Variants in BPI observed in about 807,000 individuals in gnomAD.
The protein encoded by BPI is bactericidal permeability-increasing protein.
Under a neutral mutation model 57.6 loss-of-function variants are expected in BPI, and 48 were observed. That is an observed-to-expected ratio of 0.83 (90% CI 0.66 to 1.06). The LOEUF (loss-of-function observed/expected upper bound fraction) is 1.06. Among genes scored for constraint, BPI ranks in the 50% least tolerant of loss-of-function variants. The pLI is 0.00. For missense variants in BPI, 651 were observed against 609.7 expected, an observed-to-expected ratio of 1.07 and a Z score of -0.71; for synonymous variants, 237 against 238.2, an observed-to-expected ratio of 0.99 and a Z score of 0.05.
At chr20:38,332,500 CCTT>C in intron 12 of BPI, among the ~76,000 whole-genome samples, 1 of 152,226 alleles carries the variant, frequency 6.6e-6, no homozygotes. Context: ...ATTTTGCACA[CCTT>C]CTTTTGCACC....
intron 7 of BPI, among the ~76,000 whole-genome samples, chr20:38,322,471 A>G (rs1288566838): frequency 2.6e-5 from 4 of 152,194 alleles, no homozygotes; most frequent in African/African-American, 9.7e-5. Flanking sequence ...CCCTGGTTCT[A>G]AGCACTCACA....
Position 38,329,005 on chromosome 20 carries a change from CTAAATAAATAAA to C in BPI, c.1229+1367_1229+1378del, listed in dbSNP as rs1555840412. Among the ~76,000 whole-genome samples, 177 of 134,942 alleles carry C rather than the reference CTAAATAAATAAA, an allele frequency of 1.3e-3. 1 individual carries two copies. Among genetic ancestry groups the C allele is most frequent in the Admixed American group, 1.5e-3 (21 of 14,106 alleles). 88.5% of individuals were successfully genotyped at this position (134,942 alleles called of 152,430 possible). A position where few individuals can be genotyped will look rare whatever the true frequency, so the allele number is the denominator to read the frequency against. On this transcript the variant is annotated intron_variant, in intron 11 of 14. Coordinates refer to ENST00000642449, the MANE Select transcript of BPI (RefSeq NM_001725.3). ...TGGGCAACAGAGCAAGACCCTGTCT[CTAAATAAATAAA>C]TAAATAAATAAATAAACAAATAGAT...
At chr20:38,308,741 A>G (rs1452119355) in intron 2 of BPI, among the ~76,000 whole-genome samples, 189 bp from the exon 3 acceptor site, 1 of 152,230 alleles carries the variant, frequency 6.6e-6, no homozygotes, top group African/African-American at 2.4e-5. Context: ...TTCTGACTTC[A>G]AAACCTAAGC....
chr20:38,337,255 C>G lies in BPI; in HGVS notation c.*71C>G. On this transcript the variant is annotated 3_prime_UTR_variant, in exon 15 of 15. Coordinates refer to ENST00000642449, the MANE Select transcript of BPI (RefSeq NM_001725.3). ...GGGCTGTGGGGCACCGGCTGCCTTT[C>G]CCCAGGGAATCCTCTCCAGATCTTA... 1.5e-6 allele frequency: 2 copies of G among 1,353,316 alleles called. No individual in the cohort carries two copies. The highest frequency in any genetic ancestry group is 2.0e-6 in the Non-Finnish European group (2 of 985,040). The allele number at this position is 1,353,316 out of a possible 1,614,324, so 83.8% of individuals were successfully genotyped here. A position where few individuals can be genotyped will look rare whatever the true frequency, so the allele number is the denominator to read the frequency against.
intron 5 of BPI, 34 bp from the exon 6 acceptor site, chr20:38,318,379 A>G (rs751466835): frequency 6.3e-7 from 1 of 1,586,968 alleles, no homozygotes. Flanking sequence ...CACTATGGGA[A>G]GACCTTACTG....
intron 13 of BPI, among the ~76,000 whole-genome samples, chr20:38,335,194 G>A (rs1273463361): frequency 1.3e-5 from 2 of 152,126 alleles, no homozygotes; most frequent in East Asian, 3.9e-4. Flanking sequence ...AGTATGTGGG[G>A]GGCTTGCCCT....
intron 5 of BPI, among the ~76,000 whole-genome samples, chr20:38,312,646 T>G (rs2076627219): frequency 6.6e-6 from 1 of 152,180 alleles, no homozygotes; most frequent in South Asian, 2.1e-4. Context: ...TTTACAACAA[T>G]TTCCCTGTCC....
intron 11 of BPI, among the ~76,000 whole-genome samples, chr20:38,330,175 G>A (rs2076735261): frequency 6.6e-6 from 1 of 152,098 alleles, no homozygotes; most frequent in South Asian, 2.1e-4. Context: ...AGGTTGCAGT[G>A]AGCTGTGATT....
chr20:38,306,471 G>A (rs118131789), intron 1 of BPI, among the ~76,000 whole-genome samples: 3 of 152,222 alleles, frequency 2.0e-5, no homozygotes, highest in Admixed American at 2.0e-4. Context: ...TCAGAGTCAC[G>A]TGAATAAATG....
intron 9 of BPI, 89 bp from the exon 10 acceptor site, chr20:38,326,176 T>C: frequency 1.5e-6 from 2 of 1,311,112 alleles, no homozygotes; most frequent in Non-Finnish European, 2.1e-6. Flanking sequence ...ACATTGAAGG[T>C]ATTTAAGTAG....
chr20:38,333,423 AT>A (rs906154779), intron 12 of BPI, among the ~76,000 whole-genome samples: 17 of 152,384 alleles, frequency 1.1e-4, no homozygotes, highest in Non-Finnish European at 1.5e-4. Context: ...ACTATTTTTA[AT>A]TTTTTTTATT....
chr20:38,326,732 T>C (rs8115192), intron 10 of BPI, among the ~76,000 whole-genome samples: 11,576 of 152,294 alleles, frequency 0.076, 1,149 homozygotes, highest in East Asian at 0.42. Flanking sequence ...AATTCATCCA[T>C]TTATATCTTT....
Position 38,323,925 on chromosome 20 carries a change from T to C in BPI, c.812T>C (p.Met271Thr), listed in dbSNP as rs1457689372. The change falls in exon 8 of 15, where the codon ATG becomes ACG. Residue 271 changes from methionine to threonine, a missense_variant. Coordinates refer to ENST00000642449, the MANE Select transcript of BPI (RefSeq NM_001725.3). ...CCACCTCCCTTTGCTCCACCAGTGA[T>C]GGAGTTTCCCGCTGCCCATGACCGC... ...HNPPPFAPPV[M>T]EFPAAHDRMV... The C allele has an allele frequency of 6.2e-7, 1 of 1,614,196 alleles. No individual in the cohort carries two copies. Among genetic ancestry groups the C allele is most frequent in the Admixed American group, 1.7e-5 (1 of 60,026 alleles).
At chr20:38,332,301 G>A (rs1245258516) in intron 12 of BPI, among the ~76,000 whole-genome samples, 1 of 152,142 alleles carries the variant, frequency 6.6e-6, no homozygotes, top group East Asian at 1.9e-4. Flanking sequence ...GGGGTGGGGG[G>A]ATAGATTACA....
intron 7 of BPI, 58 bp downstream of exon 7, chr20:38,320,332 C>T: frequency 6.7e-7 from 1 of 1,488,076 alleles, no homozygotes; most frequent in Non-Finnish European, 9.3e-7. Context: ...CACTCCAGGG[C>T]TCCCCAGTCC....
intron 5 of BPI, chr20:38,317,999 A>G (rs1406819824): frequency 2.0e-6 from 2 of 985,234 alleles, no homozygotes; most frequent in Non-Finnish European, 2.4e-6. Context: ...TGCTCCCAGA[A>G]GCCCAGGTAA....
In BPI at chr20:38,337,234, T is replaced by A; in HGVS notation, c.*50T>A. The A allele has an allele frequency of 6.7e-7, 1 of 1,498,978 alleles. No individual in the cohort carries two copies. Among genetic ancestry groups the A allele is most frequent in the Non-Finnish European group, 9.0e-7 (1 of 1,110,818 alleles). The allele number at this position is 1,498,978 out of a possible 1,614,324, so 92.9% of individuals were successfully genotyped here. On this transcript the variant is annotated 3_prime_UTR_variant, in exon 15 of 15. Transcript: ENST00000642449. The stretch of plus-strand genomic sequence containing the variant: ...TCAGCCACACCTGTTCCTGATGGGC[T>A]GTGGGGCACCGGCTGCCTTTCCCCA...
chr20:38,319,995 T>C lies in BPI; in HGVS notation c.665-188T>C, dbSNP rs911347991. On this transcript the variant is annotated intron_variant, in intron 6 of 14. Transcript: ENST00000642449. Reference sequence around the variant, plus strand: ...TGGAAGAAGAGAGTAAGGGGGTGTCTGTGAATGTGGGGTGTGGGTTCATTT... The same window carrying C: ...TGGAAGAAGAGAGTAAGGGGGTGTCCGTGAATGTGGGGTGTGGGTTCATTT... The C allele has an allele frequency of 1.0e-5, 6 of 598,854 alleles. No homozygotes were observed. The Admixed American group carries it at 1.1e-4, about 11-fold the overall frequency. 37.1% of individuals were successfully genotyped at this position (598,854 alleles called of 1,614,324 possible). A position where few individuals can be genotyped will look rare whatever the true frequency, so the allele number is the denominator to read the frequency against.
chr20:38,305,080 C>A (rs1005088342), intron 1 of BPI, among the ~76,000 whole-genome samples: 2 of 152,208 alleles, frequency 1.3e-5, no homozygotes, highest in African/African-American at 2.4e-5. Context: ...AGATGACCTG[C>A]AAAACAGTGG....
Sources: gnomAD v4.1 joint callset for allele counts (sites outside exome capture counted in the v4.1 genomes callset) on GRCh38, gnomAD v4.1.1 for gene constraint, MANE v1.5 for transcripts, NCBI Gene and HGNC (gene_info 2026-07-23, HGNC 2026-07-21) for gene names.